PCSK5: variants seen among roughly 807,000 people sequenced by gnomAD.
PCSK5 encodes prohormone convertase 5.
In PCSK5, 129 loss-of-function variants were observed where a neutral mutation model predicts 233.2. That is an observed-to-expected ratio of 0.55 (90% confidence interval 0.48 to 0.64). PCSK5 has a LOEUF of 0.64. Ranked by LOEUF, PCSK5 falls within the 30% of genes least tolerant of loss-of-function variation. The pLI is 0.00. For synonymous variants in PCSK5, 825 were observed against 879.2 expected, an observed-to-expected ratio of 0.94 and a Z score of 1.09; for missense variants, 2,076 against 2,430.1, an observed-to-expected ratio of 0.85 and a Z score of 3.06.
chr9:76,273,469 C>T (rs1267177649), intron 24 of PCSK5, among the ~76,000 whole-genome samples: 1 of 151,368 alleles, frequency 6.6e-6, no homozygotes, highest in Non-Finnish European at 1.5e-5. Flanking sequence ...CATACTATGT[C>T]TCTTTATCAC....
chr9:76,150,342 C>G (rs1363582463), intron 10 of PCSK5, among the ~76,000 whole-genome samples: 1 of 152,088 alleles, frequency 6.6e-6, no homozygotes, highest in Non-Finnish European at 1.5e-5. Flanking sequence ...AAAATAAAAA[C>G]AAACCAGGCA....
chr9:76,240,268 T>G (rs570557729), intron 23 of PCSK5, among the ~76,000 whole-genome samples: 4 of 152,184 alleles, frequency 2.6e-5, no homozygotes, highest in African/African-American at 7.2e-5. Flanking sequence ...GTAGCACAGA[T>G]AGAAAGAGAA....
intron 10 of PCSK5, among the ~76,000 whole-genome samples, chr9:76,148,652 C>G (rs541435424): frequency 6.6e-6 from 1 of 152,294 alleles, no homozygotes; most frequent in South Asian, 2.1e-4. Flanking sequence ...GTCCATCACC[C>G]TGTTCCTGAC....
intron 1 of PCSK5, among the ~76,000 whole-genome samples, chr9:75,914,098 A>T (rs1378157195): frequency 6.6e-6 from 1 of 152,224 alleles, no homozygotes; most frequent in Non-Finnish European, 1.5e-5. Context: ...TGTTATCTAC[A>T]AATCGTGTCA....
In PCSK5 at chr9:76,295,473, G is replaced by A. The variant is rs1828410904; in HGVS notation, c.3322+62G>A. The A allele has an allele frequency of 4.7e-6, 7 of 1,489,652 alleles. No individual in the cohort carries two copies. In the South Asian group the frequency reaches 5.9e-5, roughly 13 times the overall value. The allele number at this position is 1,489,652 out of a possible 1,614,324, so 92.3% of individuals were successfully genotyped here. On this transcript the variant is annotated intron_variant, in intron 26 of 37. Transcript: ENST00000674117. ...AGGCACTGGAGCTCCACACAGTCGGGGCCACAGGAGCGCACATGTGATTGG... is the reference window on the plus strand; with the variant it reads ...AGGCACTGGAGCTCCACACAGTCGGAGCCACAGGAGCGCACATGTGATTGG...
intron 24 of PCSK5, among the ~76,000 whole-genome samples, chr9:76,252,200 G>C (rs890272602): frequency 2.0e-5 from 3 of 152,132 alleles, no homozygotes; most frequent in African/African-American, 2.4e-5. Flanking sequence ...CCTGGGAGGC[G>C]GAGCTTGCAG....
chr9:76,262,136 G>A (rs1827194771), intron 24 of PCSK5, among the ~76,000 whole-genome samples: 1 of 152,124 alleles, frequency 6.6e-6, no homozygotes, highest in Admixed American at 6.5e-5. Context: ...GATATTGGCT[G>A]TGATGGAAGA....
At chr9:76,191,444 T>TGAA (rs57360013) in intron 20 of PCSK5, among the ~76,000 whole-genome samples, 16,255 of 152,108 alleles carry the variant, frequency 0.11, 1,050 homozygotes, top group East Asian at 0.23. Flanking sequence ...CTGTAAAAAA[T>TGAA]GAAGAAGATA....
intron 2 of PCSK5, among the ~76,000 whole-genome samples, chr9:75,941,808 A>T (rs1054372155): frequency 6.6e-6 from 1 of 151,368 alleles, no homozygotes; most frequent in Non-Finnish European, 1.5e-5. Flanking sequence ...TGTGTTCTCC[A>T]CCTCCCTGTC....
At chr9:76,239,236 A>T in intron 23 of PCSK5, 71 bp downstream of exon 23, 1 of 1,295,986 alleles carries the variant, frequency 7.7e-7, no homozygotes, top group East Asian at 2.5e-5. Context: ...GATGTCCTGG[A>T]GACTTGAATT....
chr9:76,016,038 G>T (rs2131466159), intron 3 of PCSK5, among the ~76,000 whole-genome samples: 1 of 152,328 alleles, frequency 6.6e-6, no homozygotes, highest in Non-Finnish European at 1.5e-5. Context: ...TGGCTAGTCA[G>T]CTTGTATTAG....
intron 5 of PCSK5, among the ~76,000 whole-genome samples, chr9:76,051,849 A>C (rs1463694917): frequency 6.6e-6 from 1 of 152,232 alleles, no homozygotes; most frequent in Non-Finnish European, 1.5e-5. Context: ...CACATGGAGT[A>C]AAAACTAGTG....
At chr9:76,157,792 T>C (rs913451507) in intron 11 of PCSK5, among the ~76,000 whole-genome samples, 2 of 152,220 alleles carry the variant, frequency 1.3e-5, no homozygotes, top group East Asian at 1.9e-4. Flanking sequence ...TCAACTAAAG[T>C]TGTTTGAGTT....
intron 3 of PCSK5, among the ~76,000 whole-genome samples, chr9:75,996,925 G>A (rs1167705455): frequency 6.6e-6 from 1 of 151,770 alleles, no homozygotes; most frequent in African/African-American, 2.4e-5. Context: ...TTAATCTGTG[G>A]TTGTCTTCCT....
At chr9:75,994,400 C>CTTTT (rs550518074) in intron 3 of PCSK5, among the ~76,000 whole-genome samples, 75 of 81,962 alleles carry the variant, frequency 9.2e-4, no homozygotes, top group Non-Finnish European at 1.3e-3. Flanking sequence ...TTCTTTCTTT[C>CTTTT]TTTTTTTTTT....
chr9:76,138,387 G>A (rs2131759465), intron 10 of PCSK5, among the ~76,000 whole-genome samples: 1 of 152,160 alleles, frequency 6.6e-6, no homozygotes, highest in East Asian at 1.9e-4. Context: ...ATTTTGACCA[G>A]CTCCATTTGG....
At chr9:76,031,443 T>C (rs1828648799) in intron 5 of PCSK5, among the ~76,000 whole-genome samples, 1 of 152,166 alleles carries the variant, frequency 6.6e-6, no homozygotes, top group African/African-American at 2.4e-5. Flanking sequence ...ATCCCAGTAC[T>C]TTGGGAGGCC....
intron 5 of PCSK5, among the ~76,000 whole-genome samples, chr9:76,051,456 G>A (rs1036983987): frequency 4.6e-5 from 7 of 152,038 alleles, no homozygotes; most frequent in Non-Finnish European, 1.5e-5. Context: ...TAATATTGTT[G>A]ACCAAAATAT....
At chr9:75,980,890 T>C (rs191436585) in intron 2 of PCSK5, among the ~76,000 whole-genome samples, 2 of 139,318 alleles carry the variant, frequency 1.4e-5, no homozygotes, top group Admixed American at 7.5e-5. Flanking sequence ...TCGCTTTCCA[T>C]AGCAAAAACA....
Sources: gnomAD v4.1 joint callset for allele counts (sites outside exome capture counted in the v4.1 genomes callset) on GRCh38, gnomAD v4.1.1 for gene constraint, MANE v1.5 for transcripts, NCBI Gene and HGNC (gene_info 2026-07-23, HGNC 2026-07-21) for gene names.